Variants in BICD1 observed in about 807,000 individuals in gnomAD.
BICD1 encodes the protein protein bicaudal D homolog 1.
A neutral mutation model predicts 92.5 loss-of-function variants in BICD1; 35 were observed. The ratio of observed to expected loss-of-function variants is 0.38; its 90% CI spans 0.29 to 0.50. The LOEUF is 0.50. BICD1 is among the 20% of genes least tolerant of loss of function. The probability of loss-of-function intolerance (pLI) is 0.93; values close to 1 mark genes in which losing one functional copy is unlikely to be tolerated. For missense variants in BICD1, 950 were observed against 1,189.8 expected (o/e 0.80, Z 2.97); for synonymous variants, 429 against 465.1 (o/e 0.92, Z 1.00).
intron 1 of BICD1, among the ~76,000 whole-genome samples, chr12:32,210,900 T>C (rs1399685329): frequency 6.6e-6 from 1 of 152,236 alleles, no homozygotes; most frequent in Non-Finnish European, 1.5e-5. Flanking sequence ...TCCTTTCTAT[T>C]GGGCCTGGCT....
At position 32,135,068 on chromosome 12, in the gene BICD1, TC is replaced by T. The variant is rs1193498804; in HGVS notation, c.213+27528del. On this transcript the variant is annotated intron_variant, in intron 1 of 9. Coordinates refer to ENST00000652176, the MANE Select transcript of BICD1 (RefSeq NM_001714.4). Reference sequence around the variant, plus strand: ...CCTCCTCCCCTCCATTCCCCTCCCCTCCCCTTCCCCGCTCCCCTCCTTTATT... The same window carrying T: ...CCTCCTCCCCTCCATTCCCCTCCCCTCCCTTCCCCGCTCCCCTCCTTTATT... Among the ~76,000 whole-genome samples the T allele has an allele frequency of 4.7e-5, 3 of 63,580 alleles. No individual in the cohort carries two copies. The East Asian group carries it at 1.5e-3, about 33-fold the overall frequency. 41.7% of individuals were successfully genotyped at this position (63,580 alleles called of 152,430 possible). A position where few individuals can be genotyped will look rare whatever the true frequency, so the allele number is the denominator to read the frequency against.
rs756076471 is a variant in BICD1 at position 32,328,296 on chromosome 12, A to G, written c.1841A>G (p.Asp614Gly). Residue 614 changes from aspartate to glycine, a missense_variant, in exon 5 of 10, where the codon GAT becomes GGT. By Grantham distance (94) the Asp-to-Gly change is moderately conservative. Around this residue, in one of 5 missense-constraint regions of BICD1, gnomAD observed 309 missense variants for 499.4 expected, o/e 0.62. Coordinates refer to ENST00000652176, the MANE Select transcript of BICD1 (RefSeq NM_001714.4). This position sits in a 1 kb window ranked among gnomAD's most constrained non-coding sequence, Gnocchi z 4.4. ...ITAPPSSPVL[D>G]TSDIRKEPMN... The stretch of plus-strand genomic sequence containing the variant: ...GCCCCACCGTCATCTCCAGTATTGG[A>G]TACAAGTGACATCCGCAAAGAGCCA... The G allele has an allele frequency of 6.2e-7, 1 of 1,614,242 alleles. No individual in the cohort carries two copies. The highest frequency in any genetic ancestry group is 8.5e-7 in the Non-Finnish European group (1 of 1,180,040).
intron 2 of BICD1, among the ~76,000 whole-genome samples, chr12:32,222,936 T>C (rs1237004851): frequency 6.6e-6 from 1 of 152,192 alleles, no homozygotes; most frequent in South Asian, 2.1e-4. Context: ...TCCAGAACTG[T>C]GATCAATAAA....
At chr12:32,138,976 A>T (rs543541304) in intron 1 of BICD1, among the ~76,000 whole-genome samples, 49 of 152,288 alleles carry the variant, frequency 3.2e-4, no homozygotes, top group Admixed American at 1.6e-3. Context: ...GATTTTGATT[A>T]ATTTATATCC....
Position 32,107,140 on chromosome 12 carries a change from C to A in BICD1, c.-192C>A. On this transcript the variant is annotated 5_prime_UTR_variant, in exon 1 of 10. Transcript: ENST00000652176. ...CTGCCCTGTTCTCCATGTTGCATTT[C>A]TCGTCAGTTTCTCGGGCGGTGTAGC... The A allele has an allele frequency of 1.6e-6, 1 of 614,672 alleles. No individual in the cohort carries two copies. Among genetic ancestry groups the A allele is most frequent in the Non-Finnish European group, 2.9e-6 (1 of 350,480 alleles). 38.1% of individuals were successfully genotyped at this position (614,672 alleles called of 1,614,324 possible).
rs767220491 is a variant in BICD1 at position 32,365,321 on chromosome 12, TAAG to T, written c.2765-2343_2765-2341del. 7.2e-5 allele frequency among the ~76,000 whole-genome samples: 11 copies of T among 152,274 alleles called. No individual in the cohort carries two copies. The East Asian group carries it at 1.5e-3, about 21-fold the overall frequency. ...AGGAAAAAGTGATATTCACTACAAA[TAAG>T]AAGAATGTCTACCACCTCTCTAGCA... On this transcript the variant is annotated intron_variant, in intron 8 of 9. Transcript: ENST00000652176.
At chr12:32,369,663 G>A (rs1939656342) in intron 9 of BICD1, among the ~76,000 whole-genome samples, 1 of 151,718 alleles carries the variant, frequency 6.6e-6, no homozygotes, top group African/African-American at 2.4e-5. Context: ...AGGCTGAGGC[G>A]GGAGGATGGC....
intron 2 of BICD1, among the ~76,000 whole-genome samples, chr12:32,282,202 C>CTTTTTTTTTTT (rs56217529): frequency 1.1e-5 from 1 of 94,252 alleles, no homozygotes; most frequent in Admixed American, 1.3e-4. Context: ...AGGTCTTCTT[C>CTTTTTTTTTTT]TTTTTTTTTT....
intron 2 of BICD1, among the ~76,000 whole-genome samples, chr12:32,244,861 T>C (rs1256585195): frequency 6.6e-6 from 1 of 152,168 alleles, no homozygotes; most frequent in African/African-American, 2.4e-5. Flanking sequence ...TTTCTTAATC[T>C]CGTGATCTGC....
At chr12:32,257,223 A>C (rs952246692) in intron 2 of BICD1, among the ~76,000 whole-genome samples, 3 of 151,958 alleles carry the variant, frequency 2.0e-5, no homozygotes, top group Admixed American at 2.0e-4. Context: ...AAAAAAAAAA[A>C]AAAAAAAAAA....
At chr12:32,336,351 T>C (rs1938121854) in intron 6 of BICD1, among the ~76,000 whole-genome samples, 1 of 152,366 alleles carries the variant, frequency 6.6e-6, no homozygotes, top group East Asian at 1.9e-4. Context: ...ATCTTTCTTC[T>C]TCGGCACAAG....
chr12:32,110,553 G>A (rs1013061920), intron 1 of BICD1, among the ~76,000 whole-genome samples: 2 of 152,172 alleles, frequency 1.3e-5, no homozygotes, highest in African/African-American at 4.8e-5. Context: ...TCAGTGACCT[G>A]AGTGAGGGTC....
intron 7 of BICD1, 148 bp from the exon 8 acceptor site, chr12:32,338,638 T>TAAAA (rs5797471): frequency 3.1e-5 from 18 of 579,850 alleles, no homozygotes; most frequent in Admixed American, 8.8e-5. Context: ...ATGTGGAAAC[T>TAAAA]AAAAAAAAAA....
chr12:32,132,918 A>T (rs1942603817), intron 1 of BICD1, among the ~76,000 whole-genome samples: 1 of 152,164 alleles, frequency 6.6e-6, no homozygotes, highest in East Asian at 1.9e-4. Flanking sequence ...GAGAGAATCT[A>T]CTTGAGGGTA....
At chr12:32,321,730 G>C (rs955797829) in intron 4 of BICD1, among the ~76,000 whole-genome samples, 1 of 152,210 alleles carries the variant, frequency 6.6e-6, no homozygotes, top group Non-Finnish European at 1.5e-5. Flanking sequence ...CAGGCCCGGT[G>C]GCTCACGCCT....
chr12:32,233,614 C>T (rs2650142), intron 2 of BICD1, among the ~76,000 whole-genome samples: 63,768 of 147,238 alleles, frequency 0.43, 13,879 homozygotes, highest in Middle Eastern at 0.48. Flanking sequence ...CTCTACTTCT[C>T]GGACCATAAG....
chr12:32,268,778 A>T (rs1362099288), intron 2 of BICD1, among the ~76,000 whole-genome samples: 2 of 152,226 alleles, frequency 1.3e-5, no homozygotes, highest in Non-Finnish European at 1.5e-5. Context: ...CCTGGGTGAC[A>T]ATAAAAATAA....
chr12:32,248,116 G>A (rs937526913), intron 2 of BICD1, among the ~76,000 whole-genome samples: 15 of 152,000 alleles, frequency 9.9e-5, no homozygotes, highest in Non-Finnish European at 2.9e-5. Flanking sequence ...AAAAACCCAA[G>A]AAGACCTCTG....
chr12:32,188,066 A>G (rs1021528782), intron 1 of BICD1, among the ~76,000 whole-genome samples: 5 of 151,960 alleles, frequency 3.3e-5, no homozygotes, highest in African/African-American at 1.2e-4. Flanking sequence ...AGCCTCCTGA[A>G]TAGCTGGGAT....
Sources: allele counts gnomAD v4.1 joint callset (sites outside exome capture counted in the v4.1 genomes callset), GRCh38; gene constraint gnomAD v4.1.1; regional missense constraint gnomAD v4.1.1; non-coding constraint Gnocchi (gnomAD v3.1); transcripts MANE v1.5; gene names NCBI Gene and HGNC (gene_info 2026-07-23, HGNC 2026-07-21).